Variants in BBOX1 observed in about 807,000 individuals in gnomAD.
The protein encoded by BBOX1 is gamma-butyrobetaine hydroxylase 1, also known as gamma-butyrobetaine dioxygenase.
A neutral mutation model predicts 41.6 loss-of-function variants in BBOX1; 35 were observed. The observed-to-expected ratio is 0.84, with a 90% CI of 0.64 to 1.11. The LOEUF (loss-of-function observed/expected upper bound fraction) is 1.11, where lower values mean the gene tolerates loss of function less well. BBOX1 is among the 50% of genes most tolerant of loss of function. The pLI is 0.00. For synonymous variants in BBOX1, 163 were observed against 154.7 expected (o/e 1.05, Z -0.40); for missense variants, 458 against 460.6 (o/e 0.99, Z 0.05).
chr11:27,102,199 A>T (rs761594114), intron 5 of BBOX1, among the ~76,000 whole-genome samples: 7 of 152,108 alleles, frequency 4.6e-5, no homozygotes, highest in African/African-American at 9.7e-5. Context: ...CTAAGGATGC[A>T]TGTGGTTGAT....
chr11:27,059,545 G>T (rs1297881502), intron 4 of BBOX1, among the ~76,000 whole-genome samples: 5 of 152,126 alleles, frequency 3.3e-5, no homozygotes, highest in Admixed American at 3.3e-4. Flanking sequence ...CCACTGTCCT[G>T]CAGACTCCAT....
intron 4 of BBOX1, among the ~76,000 whole-genome samples, chr11:27,061,257 C>T (rs765018347): frequency 7.2e-5 from 11 of 152,022 alleles, no homozygotes; most frequent in South Asian, 2.1e-4. Flanking sequence ...TCAGTACTAT[C>T]GGGCAGTAGC....
intron 5 of BBOX1, among the ~76,000 whole-genome samples, chr11:27,095,298 G>T (rs1329003886): frequency 2.0e-5 from 3 of 151,962 alleles, no homozygotes; most frequent in Non-Finnish European, 4.4e-5. Flanking sequence ...CAAATTTGGG[G>T]ATCTTTGTTG....
intron 5 of BBOX1, among the ~76,000 whole-genome samples, chr11:27,106,198 A>G (rs1858858781): frequency 1.3e-5 from 2 of 151,988 alleles, no homozygotes; most frequent in Non-Finnish European, 2.9e-5. Flanking sequence ...AAGCAAAATA[A>G]CCAGCTAACA....
intron 6 of BBOX1, among the ~76,000 whole-genome samples, chr11:27,117,415 G>A (rs1169997063): frequency 6.6e-6 from 1 of 151,914 alleles, no homozygotes. Context: ...TGAACTAAGT[G>A]GCAGTAAAAT....
chr11:27,125,672 A>G lies in BBOX1; in HGVS notation c.855A>G (p.Gln285=). 6.3e-7 allele frequency: 1 copy of G among 1,575,100 alleles called. No individual in the cohort carries two copies. Among genetic ancestry groups the G allele is most frequent in the Non-Finnish European group, 8.6e-7 (1 of 1,160,024 alleles). ...AAAACAGGTTAGATGATAAAGGCCA[A>G]GTGGTTCGCATCAACTTCAATAACG... ...HKIIELDDKG[Q]VVRINFNNAT... Residue 285 remains glutamine, a synonymous_variant, in exon 8 of 9, where the codon CAA becomes CAG. Transcript: ENST00000263182.
rs766496425 is a variant in BBOX1, at chr11:27,093,272, G to A, written c.439G>A (p.Val147Ile). Residue 147 changes from valine (V) to isoleucine (I), a missense_variant, in exon 5 of 9, where the codon GTA becomes ATA. Physicochemically the swap from Val to Ile is conservative, Grantham distance 29. Transcript: ENST00000263182. ...CAAGTGGCTCTCCACCCTCAAGAAAGTAGGCATAGTAAGACTCACCGGAGC... is the reference window on the plus strand; with the variant it reads ...CAAGTGGCTCTCCACCCTCAAGAAAATAGGCATAGTAAGACTCACCGGAGC... ...AYKWLSTLKK[V>I]GIVRLTGASD... is the part of the protein sequence containing the mutation. 6.2e-7 allele frequency: 1 copy of A among 1,612,548 alleles called. No individual in the cohort carries two copies. Among genetic ancestry groups the A allele is most frequent in the South Asian group, 1.1e-5 (1 of 91,042 alleles).
chr11:27,081,829 T>C (rs1210321408), intron 4 of BBOX1, among the ~76,000 whole-genome samples: 1 of 152,216 alleles, frequency 6.6e-6, no homozygotes, highest in Non-Finnish European at 1.5e-5. Flanking sequence ...TTTTTTCATA[T>C]GTCTGTTGGC....
intron 5 of BBOX1, among the ~76,000 whole-genome samples, chr11:27,098,268 T>C (rs751485246): frequency 6.2e-4 from 94 of 151,922 alleles, no homozygotes; most frequent in Non-Finnish European, 3.4e-4. Context: ...AGCGCTACAG[T>C]AGAAATTCTC....
chr11:27,041,868 G>A lies in BBOX1; in HGVS notation c.-39+390G>A, dbSNP rs188965601. On this transcript the variant is annotated intron_variant, in intron 2 of 8. Transcript: ENST00000263182. ...GATGGGGCAAGGAGGATTCTGGTTG[G>A]ATTTTCAAAATGTTCCCTGAATAAT... 2.0e-4 allele frequency among the ~76,000 whole-genome samples: 30 copies of A among 152,246 alleles called. No homozygotes were observed. The Middle Eastern group carries it at 0.017, about 86-fold the overall frequency.
chr11:27,109,819 A>G (rs898998408), intron 5 of BBOX1, among the ~76,000 whole-genome samples: 1 of 152,024 alleles, frequency 6.6e-6, no homozygotes, highest in Non-Finnish European at 1.5e-5. Context: ...GGGGAATACC[A>G]GAGGCAGGGT....
chr11:27,080,885 T>G (rs779295366), intron 4 of BBOX1, among the ~76,000 whole-genome samples: 2 of 152,158 alleles, frequency 1.3e-5, no homozygotes, highest in African/African-American at 2.4e-5. Flanking sequence ...TTAGCTGCTT[T>G]GGTTCAAGTG....
intron 4 of BBOX1, among the ~76,000 whole-genome samples, chr11:27,062,652 G>A (rs1857164395): frequency 6.6e-6 from 1 of 151,850 alleles, no homozygotes; most frequent in Admixed American, 6.6e-5. Flanking sequence ...TCTGCCCCCG[G>A]GTTCAAGTGA....
intron 5 of BBOX1, among the ~76,000 whole-genome samples, chr11:27,096,227 T>G (rs950127138): frequency 1.3e-5 from 2 of 152,046 alleles, no homozygotes; most frequent in Non-Finnish European, 2.9e-5. Flanking sequence ...ACTTTGTTTG[T>G]GCCTGGATAT....
chr11:27,103,649 C>T (rs1422059235), intron 5 of BBOX1, among the ~76,000 whole-genome samples: 5 of 151,402 alleles, frequency 3.3e-5, no homozygotes, highest in Non-Finnish European at 7.4e-5. Context: ...TATTCTTTTA[C>T]ATATTGGACC....
intron 5 of BBOX1, among the ~76,000 whole-genome samples, chr11:27,101,688 CTTT>C (rs913953575): frequency 1.3e-5 from 2 of 151,862 alleles, no homozygotes; most frequent in Non-Finnish European, 2.9e-5. Flanking sequence ...ACAAAGATTT[CTTT>C]TTTTATTTTA....
intron 5 of BBOX1, among the ~76,000 whole-genome samples, chr11:27,107,633 T>G (rs889057691): frequency 6.6e-6 from 1 of 152,000 alleles, no homozygotes; most frequent in African/African-American, 2.4e-5. Flanking sequence ...CTGTCTCTAA[T>G]GAGGGGTGCA....
At chr11:27,081,364 G>C (rs1225587614) in intron 4 of BBOX1, among the ~76,000 whole-genome samples, 1 of 152,108 alleles carries the variant, frequency 6.6e-6, no homozygotes, top group Non-Finnish European at 1.5e-5. Context: ...CTTCATCCAT[G>C]TCCCTGCAAT....
At chr11:27,051,606 T>G (rs1175878720) in intron 2 of BBOX1, among the ~76,000 whole-genome samples, 4 of 152,094 alleles carry the variant, frequency 2.6e-5, no homozygotes, top group African/African-American at 9.6e-5. Flanking sequence ...ATTATTGGCA[T>G]GTAACTGTTC....
Sources: allele counts gnomAD v4.1 joint callset (sites outside exome capture counted in the v4.1 genomes callset), GRCh38; gene constraint gnomAD v4.1.1; transcripts MANE v1.5; gene names NCBI Gene and HGNC (gene_info 2026-07-23, HGNC 2026-07-21).